ITPR3: variants seen among roughly 807,000 people sequenced by gnomAD.
ITPR3 encodes inositol 1,4,5-trisphosphate-gated calcium channel ITPR3.
A neutral mutation model predicts 293.2 loss-of-function variants in ITPR3; 173 were observed. The ratio of observed to expected loss-of-function variants is 0.59; its 90% CI spans 0.52 to 0.67. The LOEUF (loss-of-function observed/expected upper bound fraction) is 0.67, where lower values mean the gene tolerates loss of function less well. Ranked by LOEUF, ITPR3 falls within the 30% of genes least tolerant of loss-of-function variation. The pLI, the probability that ITPR3 is intolerant of heterozygous loss-of-function variation, is 0.00. For missense variants in ITPR3, 2,796 were observed against 3,592.1 expected (o/e 0.78, Z 5.66); for synonymous variants, 1,295 against 1,444.4 (o/e 0.90, Z 2.35).
Position 33,685,545 on chromosome 6 carries a change from G to A in ITPR3, c.5482+12G>A. On this transcript the variant is annotated intron_variant, in intron 40 of 57. Coordinates refer to ENST00000605930, the MANE Select transcript of ITPR3 (RefSeq NM_002224.4). Reference sequence around the variant, plus strand: ...CCCCACCACCAAAGGTCAGGGGTCTGAGGCAGAGGCACGGCGTGACGGGGA... The same window carrying A: ...CCCCACCACCAAAGGTCAGGGGTCTAAGGCAGAGGCACGGCGTGACGGGGA... 1 of 1,609,968 alleles carries A rather than the reference G, an allele frequency of 6.2e-7. No individual in the cohort carries two copies.
At position 33,687,175 on chromosome 6, in the gene ITPR3, T is replaced by C. The variant is rs1320166947; in HGVS notation, c.6076-51T>C. On this transcript the variant is annotated intron_variant, in intron 44 of 57. Transcript: ENST00000605930. This position sits in a 1 kb window ranked among gnomAD's most constrained non-coding sequence, Gnocchi z 5.3. ...GTTGGGATGGGGATGAGGGCCCGGC[T>C]GGCCCTACCGCCCTAGGAAGAGAGC... is the stretch of plus-strand genomic sequence containing the variant. The C allele has an allele frequency of 6.3e-7, 1 of 1,588,270 alleles. No homozygotes were observed. The highest frequency in any genetic ancestry group is 1.7e-5 in the Admixed American group (1 of 59,894).
intron 43 of ITPR3, 85 bp from the exon 44 acceptor site, chr6:33,686,924 C>T: frequency 9.6e-7 from 1 of 1,042,116 alleles, no homozygotes; most frequent in Non-Finnish European, 1.5e-6. Flanking sequence ...GATGGGAGAG[C>T]TGTTATGGAG....
At position 33,693,635 on chromosome 6, in the gene ITPR3, T is replaced by C. The variant is rs1484307839; in HGVS notation, c.7715T>C (p.Ile2572Thr). 9.3e-6 allele frequency: 15 copies of C among 1,614,100 alleles called. No individual in the cohort carries two copies. The highest frequency in any genetic ancestry group is 1.3e-5 in the African/African-American group (1 of 74,926). ...EHNMWNYLYF[I>T]VLVRVKNKTD... ...AACATGTGGAACTACTTGTACTTCA[T>C]TGTGCTGGTCCGCGTGAAGAACAAG... The change falls in exon 56 of 58, where the codon ATT (isoleucine) becomes ACT (threonine). Residue 2572 changes from isoleucine to threonine, a missense_variant. Coordinates refer to ENST00000605930, the MANE Select transcript of ITPR3 (RefSeq NM_002224.4).
chr6:33,669,156 G>A lies in ITPR3; in HGVS notation c.2189G>A (p.Arg730Lys). The A allele has an allele frequency of 6.2e-7, 1 of 1,612,722 alleles. No homozygotes were observed. The highest frequency in any genetic ancestry group is 1.1e-5 in the South Asian group (1 of 90,932). Reference protein sequence around the residue: ...AHDENVLSYYRYQLKLFARMC... With the variant: ...AHDENVLSYYKYQLKLFARMC... ...GACGAGAATGTGCTCAGCTACTACA[G>A]GTGCCCCGCCCCAGCTCCTCCCCTC... The change falls in exon 18 of 58, where the codon AGG becomes AAG. Residue 730 changes from arginine to lysine, a missense_variant and splice_region_variant. Physicochemically the swap from Arg to Lys is conservative, Grantham distance 26. Around this residue, in one of 8 missense-constraint regions of ITPR3, gnomAD observed 955 missense variants for 1,180.8 expected, o/e 0.81. Coordinates refer to ENST00000605930, the MANE Select transcript of ITPR3 (RefSeq NM_002224.4).
rs111805131 is a variant in ITPR3, at chr6:33,682,984, GGT to G, written c.4598-222_4598-221del. ...GTGAGAGAGAGGAAGGGGAAGTCAG[GGT>G]AGAGCCGGGGGGAATCAAAGAGGCA... On this transcript the variant is annotated intron_variant, in intron 34 of 57. Transcript: ENST00000605930. This position sits in a 1 kb window ranked among gnomAD's most constrained non-coding sequence, Gnocchi z 5.4. Among the ~76,000 whole-genome samples, 3,717 of 152,030 alleles carry G rather than the reference GGT, an allele frequency of 0.024. 130 individuals carry two copies. The highest frequency in any genetic ancestry group is 0.079 in the African/African-American group (3,275 of 41,394).
Position 33,677,078 on chromosome 6 carries a change from A to G in ITPR3, c.3511A>G (p.Ile1171Val). 6.2e-7 allele frequency: 1 copy of G among 1,614,088 alleles called. No individual in the cohort carries two copies. The highest frequency in any genetic ancestry group is 8.5e-7 in the Non-Finnish European group (1 of 1,179,994). ...GGAGAAAAGCAGTGAGAACTACCAG[A>G]TCGTCAAGGGCGTGAGTGGCCAAGG... ...PGEKSSENYQ[I>V]VKGILERLNK... The change falls in exon 27 of 58, where the codon ATC (isoleucine) becomes GTC (valine). Residue 1171 changes from isoleucine (I) to valine (V), a missense_variant. Coordinates refer to ENST00000605930, the MANE Select transcript of ITPR3 (RefSeq NM_002224.4).
At position 33,692,654 on chromosome 6, in the gene ITPR3, C is replaced by T; in HGVS notation, c.7459-74C>T. ...GGTCCTCAATATCACAGCCCTGGCCCCAACCTGAGTCCTATCTTGCCCCAG... is the reference window on the plus strand; with the variant it reads ...GGTCCTCAATATCACAGCCCTGGCCTCAACCTGAGTCCTATCTTGCCCCAG... On this transcript the variant is annotated intron_variant, in intron 54 of 57. Transcript: ENST00000605930. The surrounding 1 kb of genome is among the most constrained non-coding windows in gnomAD (Gnocchi z 4.2). 6.7e-7 allele frequency: 1 copy of T among 1,487,436 alleles called. No homozygotes were observed. The highest frequency in any genetic ancestry group is 9.2e-7 in the Non-Finnish European group (1 of 1,081,908). The allele number at this position is 1,487,436 out of a possible 1,614,324, so 92.1% of individuals were successfully genotyped here.
chr6:33,686,382 C>G, intron 42 of ITPR3, 27 bp from the exon 43 acceptor site: 1 of 1,605,590 alleles, frequency 6.2e-7, no homozygotes. Context: ...GGGCCTGGGC[C>G]CTGTGTCCCC....
rs1765382252 is a variant in ITPR3, at chr6:33,691,273, T to C, written c.7225+164T>C. ...TAGCTAACACCAGTCTGCCTCGCTC[T>C]TTTCTGGAACACACTGAGTGGGTGG... On this transcript the variant is annotated intron_variant, in intron 52 of 57. Coordinates refer to ENST00000605930, the MANE Select transcript of ITPR3 (RefSeq NM_002224.4). The surrounding 1 kb of genome is among the most constrained non-coding windows in gnomAD (Gnocchi z 4.9). Among the ~76,000 whole-genome samples the C allele has an allele frequency of 6.6e-6, 1 of 152,194 alleles. No homozygotes were observed.
chr6:33,664,992 T>TGGGGGGGGGGG lies in ITPR3; in HGVS notation c.1248+27_1248+28insGGGGGGGGGGG. 1.5e-6 allele frequency: 1 copy of TGGGGGGGGGGG among 645,776 alleles called. No homozygotes were observed. Among genetic ancestry groups the TGGGGGGGGGGG allele is most frequent in the Non-Finnish European group, 2.6e-6 (1 of 385,664 alleles). The allele number at this position is 645,776 out of a possible 1,614,324, so 40.0% of individuals were successfully genotyped here. ...ATGGTGCGTGTCCCTGGGGTGGGGG[T>TGGGGGGGGGGG]GGGGCTGGGGCCAGGGCCGGAGCTT... On this transcript the variant is annotated intron_variant, in intron 12 of 57. Coordinates refer to ENST00000605930, the MANE Select transcript of ITPR3 (RefSeq NM_002224.4). This position sits in a 1 kb window ranked among gnomAD's most constrained non-coding sequence, Gnocchi z 4.4.
chr6:33,663,413 C>T (rs1055534788), intron 9 of ITPR3, 87 bp from the exon 10 acceptor site: 1 of 1,355,232 alleles, frequency 7.4e-7, no homozygotes, highest in Non-Finnish European at 1.0e-6. Context: ...AACCCAGGGC[C>T]CTATGTAGGT....
chr6:33,687,260 A>G lies in ITPR3; in HGVS notation c.6110A>G (p.Glu2037Gly). ...DVIKKAYLQE[E>G]ERENSEVSPR... is the part of the protein sequence containing the mutation. ...ATCAAGAAGGCCTACCTGCAGGAGG[A>G]AGAGCGTGAGAACTCGGAGGTGAGC... The change falls in exon 45 of 58, where the codon GAA becomes GGA. Residue 2037 changes from glutamate (E) to glycine (G), a missense_variant. Around this residue, in one of 8 missense-constraint regions of ITPR3, gnomAD observed 704 missense variants for 797.5 expected, o/e 0.88. Transcript: ENST00000605930. The surrounding 1 kb of genome is among the most constrained non-coding windows in gnomAD (Gnocchi z 5.3). The G allele has an allele frequency of 6.2e-7, 1 of 1,613,766 alleles. No homozygotes were observed. The highest frequency in any genetic ancestry group is 8.5e-7 in the Non-Finnish European group (1 of 1,179,758).
chr6:33,678,328 G>T, intron 28 of ITPR3, 93 bp from the exon 29 acceptor site: 156 of 1,457,916 alleles, frequency 1.1e-4, no homozygotes, highest in Middle Eastern at 2.1e-4. Context: ...CCAGTCCCAA[G>T]CCCGACCCAC....
Position 33,670,574 on chromosome 6 carries a change from G to A in ITPR3, c.2439G>A (p.Lys813=). 6.2e-7 allele frequency: 1 copy of A among 1,613,020 alleles called. No homozygotes were observed. Among genetic ancestry groups the A allele is most frequent in the African/African-American group, 1.3e-5 (1 of 74,932 alleles). The change falls in exon 19 of 58, where the codon AAG becomes AAA. Residue 813 remains lysine, a splice_region_variant and synonymous_variant. Transcript: ENST00000605930. This position sits in a 1 kb window ranked among gnomAD's most constrained non-coding sequence, Gnocchi z 6.7. ...WTEIPTAITI[K]DYDSNLNASR... ...AGATCCCCACAGCCATCACCATCAA[G>A]GAGTGAGAGGGGTGGAGGCAGGGTG...
In ITPR3 at chr6:33,634,351, A is replaced by T. The variant is rs539110821; in HGVS notation, c.90-6133A>T. Reference sequence around the variant, plus strand: ...TGGGGGACACAGAATGGAGCTTAGCATTCCCAGATGATGCCTGTTTTGCTG... The same window carrying T: ...TGGGGGACACAGAATGGAGCTTAGCTTTCCCAGATGATGCCTGTTTTGCTG... On this transcript the variant is annotated intron_variant, in intron 1 of 57. Transcript: ENST00000605930. Among the ~76,000 whole-genome samples, 140 of 152,256 alleles carry T rather than the reference A, an allele frequency of 9.2e-4. 2 individuals carry two copies. Among genetic ancestry groups the T allele is most frequent in the African/African-American group, 3.2e-3 (131 of 41,560 alleles).
At chr6:33,625,549 A>G (rs1259523389) in intron 1 of ITPR3, among the ~76,000 whole-genome samples, 1 of 152,188 alleles carries the variant, frequency 6.6e-6, no homozygotes, top group Non-Finnish European at 1.5e-5. Flanking sequence ...ATGAGTACCC[A>G]GAGAGGTAGC....
At position 33,691,182 on chromosome 6, in the gene ITPR3, C is replaced by T; in HGVS notation, c.7225+73C>T. 6.8e-7 allele frequency: 1 copy of T among 1,466,996 alleles called. No individual in the cohort carries two copies. The highest frequency in any genetic ancestry group is 9.5e-7 in the Non-Finnish European group (1 of 1,056,264). 90.9% of individuals were successfully genotyped at this position (1,466,996 alleles called of 1,614,324 possible). On this transcript the variant is annotated intron_variant, in intron 52 of 57. Coordinates refer to ENST00000605930, the MANE Select transcript of ITPR3 (RefSeq NM_002224.4). This position sits in a 1 kb window ranked among gnomAD's most constrained non-coding sequence, Gnocchi z 4.9. ...GTCTCACAAATGTCTGGCGTCAGGA[C>T]CAGGACCTGCAGCGCTTACCTCACC... is the stretch of plus-strand genomic sequence containing the variant.
intron 2 of ITPR3, among the ~76,000 whole-genome samples, chr6:33,651,917 C>T (rs1486141926): frequency 4.6e-5 from 7 of 152,150 alleles, no homozygotes; most frequent in Non-Finnish European, 1.0e-4. Context: ...GAGTCAAGGT[C>T]GGAAAAGCTT....
intron 2 of ITPR3, among the ~76,000 whole-genome samples, chr6:33,647,915 T>A (rs546356324): frequency 1.3e-5 from 2 of 152,208 alleles, no homozygotes; most frequent in Admixed American, 6.5e-5. Flanking sequence ...GGGAGCTCGG[T>A]GATTGCCACT....
Sources: allele counts gnomAD v4.1 joint callset (sites outside exome capture counted in the v4.1 genomes callset), GRCh38; gene constraint gnomAD v4.1.1; regional missense constraint gnomAD v4.1.1; non-coding constraint Gnocchi (gnomAD v3.1); transcripts MANE v1.5; gene names NCBI Gene and HGNC (gene_info 2026-07-23, HGNC 2026-07-21).